Variants in GNG10 observed in about 807,000 individuals in gnomAD.
The protein encoded by GNG10 is guanine nucleotide-binding protein G(I)/G(S)/G(O) subunit gamma-10.
GNG10 carries 7 observed loss-of-function variants against 6.8 expected under a neutral mutation model. The observed-to-expected ratio is 1.02, with a 90% CI of 0.58 to 1.92. GNG10 has a LOEUF of 1.92. Among genes scored for constraint, GNG10 ranks in the 30% most tolerant of loss-of-function variants. GNG10 has a pLI of 0.00. For missense variants in GNG10, 57 were observed against 86.1 expected (o/e 0.66, Z 1.34); for synonymous variants, 28 against 34.8 (o/e 0.80, Z 0.69).
At chr9:111,662,330 T>G (rs1160122922) in intron 1 of GNG10, among the ~76,000 whole-genome samples, 1 of 152,028 alleles carries the variant, frequency 6.6e-6, no homozygotes, top group African/African-American at 2.4e-5. Context: ...AAAAGCCTCT[T>G]CTATGAAGAG....
chr9:111,663,054 C>G (rs2131279015), intron 1 of GNG10, among the ~76,000 whole-genome samples: 1 of 152,120 alleles, frequency 6.6e-6, no homozygotes, highest in East Asian at 1.9e-4. Flanking sequence ...GGCACAGCTT[C>G]TGAGACAGGA....
chr9:111,667,537 T>G (rs1462577177), intron 2 of GNG10, among the ~76,000 whole-genome samples: 1 of 152,036 alleles, frequency 6.6e-6, no homozygotes, highest in African/African-American at 2.4e-5. Context: ...GCCAGTAATT[T>G]CTTGACCTTA....
chr9:111,666,685 GCAGAAAGAGACTTTTGGAGGTCA>G, intron 1 of GNG10, 107 bp from the exon 2 acceptor site: 1 of 1,349,648 alleles, frequency 7.4e-7, no homozygotes. Context: ...AGAACTTTCA[GCAGAAAGAGACTTTTGGAGGTCA>G]CAAAAAGTTG....
At chr9:111,663,395 G>A (rs1830854003) in intron 1 of GNG10, among the ~76,000 whole-genome samples, 1 of 152,204 alleles carries the variant, frequency 6.6e-6, no homozygotes, top group African/African-American at 2.4e-5. Flanking sequence ...GGTGGGGCCG[G>A]AGGGCAAGGC....
chr9:111,666,056 G>A (rs1455536549), intron 1 of GNG10, among the ~76,000 whole-genome samples: 1 of 151,968 alleles, frequency 6.6e-6, no homozygotes, highest in Non-Finnish European at 1.5e-5. Flanking sequence ...AGATTCAAGG[G>A]GTGCGTCAAT....
chr9:111,666,795 T>C lies in GNG10; in HGVS notation c.82-20T>C, dbSNP rs759602758. ...GCTTGGCTGTGAGCAGGGTGCCATG[T>C]TGCTGTCCCTTTGTTTCAGGTCTCT... On this transcript the variant is annotated intron_variant, in intron 1 of 2. Transcript: ENST00000374293. The C allele has an allele frequency of 3.4e-5, 55 of 1,610,836 alleles. No individual in the cohort carries two copies. The highest frequency in any genetic ancestry group is 4.7e-5 in the Non-Finnish European group (55 of 1,178,844).
At chr9:111,663,544 G>C (rs1830856056) in intron 1 of GNG10, among the ~76,000 whole-genome samples, 1 of 152,104 alleles carries the variant, frequency 6.6e-6, no homozygotes, top group Non-Finnish European at 1.5e-5. Context: ...AATAAAGGAA[G>C]AATAAAGGAG....
Position 111,661,723 on chromosome 9 carries a change from C to A in GNG10, c.81+8C>A. ...GGCGTGGAGAGGATCAAGGTGCGGG[C>A]CCCGGGTACCCACGCTCCGGTCCTT... On this transcript the variant is annotated splice_region_variant and intron_variant, in intron 1 of 2. Coordinates refer to ENST00000374293, the MANE Select transcript of GNG10 (RefSeq NM_001017998.4). This position sits in a 1 kb window ranked among gnomAD's most constrained non-coding sequence, Gnocchi z 6.1. The A allele has an allele frequency of 7.5e-7, 1 of 1,330,066 alleles. No homozygotes were observed. The highest frequency in any genetic ancestry group is 1.7e-5 in the South Asian group (1 of 57,858). The allele number at this position is 1,330,066 out of a possible 1,614,324, so 82.4% of individuals were successfully genotyped here.
rs751678630 is a variant in GNG10 at position 111,661,719 on chromosome 9, C to T, written c.81+4C>T. On this transcript the variant is annotated splice_donor_region_variant and intron_variant, in intron 1 of 2. Transcript: ENST00000374293. The surrounding 1 kb of genome is among the most constrained non-coding windows in gnomAD (Gnocchi z 6.1). ...GGCTGGCGTGGAGAGGATCAAGGTG[C>T]GGGCCCCGGGTACCCACGCTCCGGT... The T allele has an allele frequency of 7.5e-7, 1 of 1,338,376 alleles. No homozygotes were observed. Among genetic ancestry groups the T allele is most frequent in the South Asian group, 1.7e-5 (1 of 58,952 alleles). 82.9% of individuals were successfully genotyped at this position (1,338,376 alleles called of 1,614,324 possible).
chr9:111,668,822 T>C (rs1415462064), intron 2 of GNG10, among the ~76,000 whole-genome samples: 3 of 151,040 alleles, frequency 2.0e-5, no homozygotes, highest in Non-Finnish European at 4.4e-5. Context: ...CATTCAGTGG[T>C]GTGGTTTAGA....
chr9:111,665,254 A>T (rs1416868489), intron 1 of GNG10, among the ~76,000 whole-genome samples: 1 of 152,198 alleles, frequency 6.6e-6, no homozygotes. Context: ...CAATGAGGAA[A>T]ACCTCCAAGT....
At chr9:111,667,936 A>G (rs1193282130) in intron 2 of GNG10, among the ~76,000 whole-genome samples, 1 of 152,050 alleles carries the variant, frequency 6.6e-6, no homozygotes, top group African/African-American at 2.4e-5. Flanking sequence ...GGCTCACTGC[A>G]TCCTCTGTCT....
rs1830822530 is a variant in GNG10, at chr9:111,661,770, A to T, written c.81+55A>T. On this transcript the variant is annotated intron_variant, in intron 1 of 2. Coordinates refer to ENST00000374293, the MANE Select transcript of GNG10 (RefSeq NM_001017998.4). This position sits in a 1 kb window ranked among gnomAD's most constrained non-coding sequence, Gnocchi z 6.1. ...CCTTCCGCCCGCGGGGCGTGAGAAG[A>T]GGAGGCCGGCGGCCCGGACCGGGCG... 11 of 1,109,804 alleles carry T rather than the reference A, an allele frequency of 9.9e-6. No homozygotes were observed. The highest frequency in any genetic ancestry group is 2.7e-5 in the South Asian group (1 of 37,680). 68.7% of individuals were successfully genotyped at this position (1,109,804 alleles called of 1,614,324 possible).
rs1006648936 is a variant in GNG10 at position 111,669,350 on chromosome 9, C to G, written c.*88C>G. 6.6e-6 allele frequency: 1 copy of G among 152,262 alleles called. No individual in the cohort carries two copies. Among genetic ancestry groups the G allele is most frequent in the Non-Finnish European group, 1.5e-5 (1 of 68,022 alleles). 9.4% of individuals were successfully genotyped at this position (152,262 alleles called of 1,614,324 possible). A position where few individuals can be genotyped will look rare whatever the true frequency, so the allele number is the denominator to read the frequency against. The stretch of plus-strand genomic sequence containing the variant: ...TCAAGTCTCAAGAAAACACTTTTCC[C>G]TAACTTTTAGAGATATTTCAGCCCT... On this transcript the variant is annotated 3_prime_UTR_variant, in exon 3 of 3. Transcript: ENST00000374293.
rs748956398 is a variant in GNG10 at position 111,661,634 on chromosome 9, C to T, written c.-1C>T. The T allele has an allele frequency of 6.0e-6, 8 of 1,333,208 alleles. No homozygotes were observed. The South Asian group carries it at 1.3e-4, about 22-fold the overall frequency. 82.6% of individuals were successfully genotyped at this position (1,333,208 alleles called of 1,614,324 possible). On this transcript the variant is annotated 5_prime_UTR_variant, in exon 1 of 3. Transcript: ENST00000374293. The surrounding 1 kb of genome is among the most constrained non-coding windows in gnomAD (Gnocchi z 6.1). Reference sequence around the variant, plus strand: ...GCCCCTAGGAGCCCAGCGCCGCCGCCATGTCCTCCGGGGCTAGCGCGAGCG... The same window carrying T: ...GCCCCTAGGAGCCCAGCGCCGCCGCTATGTCCTCCGGGGCTAGCGCGAGCG...
chr9:111,666,172 T>C (rs1475109), intron 1 of GNG10, among the ~76,000 whole-genome samples: 64,867 of 151,574 alleles, frequency 0.43, 15,425 homozygotes, highest in African/African-American at 0.65. Flanking sequence ...GCTTTATATG[T>C]GTGAACTCAC....
chr9:111,662,652 T>C lies in GNG10; in HGVS notation c.81+937T>C, dbSNP rs1431198857. ...CCCTGTGCCTCAGTTTCTCCTTTGC[T>C]GTGTGCCTGGCACTGCTACAGGGAA... On this transcript the variant is annotated intron_variant, in intron 1 of 2. Transcript: ENST00000374293. 2.6e-5 allele frequency among the ~76,000 whole-genome samples: 4 copies of C among 152,292 alleles called. No individual in the cohort carries two copies. The East Asian group carries it at 7.7e-4, about 29-fold the overall frequency.
intron 1 of GNG10, among the ~76,000 whole-genome samples, chr9:111,666,193 C>T (rs890340477): frequency 1.2e-4 from 18 of 152,160 alleles, no homozygotes; most frequent in Admixed American, 9.2e-4. Context: ...TTAATTGTTA[C>T]AGCAACCCAG....
At chr9:111,667,051 T>C in intron 2 of GNG10, 105 bp downstream of exon 2, 1 of 1,499,336 alleles carries the variant, frequency 6.7e-7, no homozygotes, top group South Asian at 1.3e-5. Flanking sequence ...CTTGGGGAAA[T>C]TAAAACAAGA....
Sources: allele counts gnomAD v4.1 joint callset (sites outside exome capture counted in the v4.1 genomes callset), GRCh38; gene constraint gnomAD v4.1.1; non-coding constraint Gnocchi (gnomAD v3.1); transcripts MANE v1.5; gene names NCBI Gene and HGNC (gene_info 2026-07-23, HGNC 2026-07-21).